GTF3C4: variants seen among roughly 807,000 people sequenced by gnomAD.
GTF3C4 encodes general transcription factor 3C polypeptide 4.
In GTF3C4, 28 loss-of-function variants were observed where a neutral mutation model predicts 67.5. That is an observed-to-expected ratio of 0.41 (90% CI 0.31 to 0.57). The LOEUF is 0.57. GTF3C4 is among the 20% of genes least tolerant of loss of function. The pLI is 0.21. For synonymous variants in GTF3C4, 409 were observed against 393.0 expected (o/e 1.04, Z -0.48); for missense variants, 831 against 1,033.2 (o/e 0.80, Z 2.68).
chr9:132,670,990 CT>C, intron 1 of GTF3C4, 35 bp downstream of exon 1: 2 of 1,409,018 alleles, frequency 1.4e-6, no homozygotes, highest in Non-Finnish European at 2.0e-6. Context: ...GGGTCTTCCC[CT>C]GTCCCCCTCT....
intron 1 of GTF3C4, among the ~76,000 whole-genome samples, chr9:132,676,588 T>G (rs1835868313): frequency 6.6e-6 from 1 of 152,162 alleles, no homozygotes; most frequent in South Asian, 2.1e-4. Context: ...CCCAAAGTGC[T>G]GGGAGTACAG....
At position 132,670,724 on chromosome 9, in the gene GTF3C4, G is replaced by A; in HGVS notation, c.126G>A (p.Gly42=). The change falls in exon 1 of 5, where the codon GGG becomes GGA. Residue 42 remains glycine, a synonymous_variant. Coordinates refer to ENST00000372146, the MANE Select transcript of GTF3C4 (RefSeq NM_012204.4). ...GKEPAADAAP[G]PSAAFRLMVT... is the part of the protein sequence containing the mutation. ...AGCCAGCAGCGGACGCGGCCCCGGG[G>A]CCCAGCGCTGCATTCCGCCTCATGG... is the stretch of plus-strand genomic sequence containing the variant. 6.5e-7 allele frequency: 1 copy of A among 1,534,502 alleles called. No individual in the cohort carries two copies. Among genetic ancestry groups the A allele is most frequent in the Non-Finnish European group, 8.7e-7 (1 of 1,147,596 alleles).
At chr9:132,682,532 A>T (rs1193216789) in intron 2 of GTF3C4, among the ~76,000 whole-genome samples, 78 of 76,184 alleles carry the variant, frequency 1.0e-3, no homozygotes, top group African/African-American at 8.7e-3. Flanking sequence ...GTGAAGTTTT[A>T]AAAAAAAAAA....
Position 132,690,689 on chromosome 9 carries a change from T to G in GTF3C4, c.*1744T>G, listed in dbSNP as rs1215184550. Reference sequence around the variant, plus strand: ...GAAGAGCGTTTATCCACTATTGATTTTCAAGAAAGAAACCAAGCAGCATTG... The same window carrying G: ...GAAGAGCGTTTATCCACTATTGATTGTCAAGAAAGAAACCAAGCAGCATTG... On this transcript the variant is annotated 3_prime_UTR_variant, in exon 5 of 5. Transcript: ENST00000372146. 6.6e-6 allele frequency: 1 copy of G among 152,160 alleles called. No homozygotes were observed. Among genetic ancestry groups the G allele is most frequent in the Non-Finnish European group, 1.5e-5 (1 of 68,034 alleles). 9.4% of individuals were successfully genotyped at this position (152,160 alleles called of 1,614,324 possible).
chr9:132,683,756 G>C (rs1361572243), intron 3 of GTF3C4, 63 bp downstream of exon 3: 4 of 1,461,032 alleles, frequency 2.7e-6, no homozygotes, highest in Non-Finnish European at 3.7e-6. Context: ...ACAAACTACT[G>C]TATGTGACAG....
Position 132,689,041 on chromosome 9 carries a change from C to T in GTF3C4, c.*96C>T, listed in dbSNP as rs73545133. 8 of 891,774 alleles carry T rather than the reference C, an allele frequency of 9.0e-6. No homozygotes were observed. The highest frequency in any genetic ancestry group is 8.0e-5 in the South Asian group (6 of 74,788). The allele number at this position is 891,774 out of a possible 1,614,324, so 55.2% of individuals were successfully genotyped here. ...AAGGATGCACTGGAGGAAGCCGGAC[C>T]CTCACGAGTGGAGAGAAGTCCTTGG... On this transcript the variant is annotated 3_prime_UTR_variant, in exon 5 of 5. Transcript: ENST00000372146.
chr9:132,675,671 G>C (rs1835853186), intron 1 of GTF3C4, among the ~76,000 whole-genome samples: 1 of 152,150 alleles, frequency 6.6e-6, no homozygotes, highest in African/African-American at 2.4e-5. Flanking sequence ...CTTTTCAAGG[G>C]AGAACGACAT....
chr9:132,681,783 G>A (rs928388387), intron 2 of GTF3C4, among the ~76,000 whole-genome samples: 4 of 152,084 alleles, frequency 2.6e-5, no homozygotes, highest in African/African-American at 9.7e-5. Flanking sequence ...AGCTTGCCGA[G>A]ATCAGGGCTA....
In GTF3C4 at chr9:132,679,803, G is replaced by GGTTCT; in HGVS notation, c.2184+2_2184+3insTCTGT. The GGTTCT allele has an allele frequency of 6.4e-7, 1 of 1,565,810 alleles. No individual in the cohort carries two copies. Among genetic ancestry groups the GGTTCT allele is most frequent in the Non-Finnish European group, 8.7e-7 (1 of 1,152,314 alleles). On this transcript the variant is annotated frameshift_variant and splice_region_variant. Coordinates refer to ENST00000372146, the MANE Select transcript of GTF3C4 (RefSeq NM_012204.4). LOFTEE classifies it high-confidence loss of function. This position sits in a 1 kb window ranked among gnomAD's most constrained non-coding sequence, Gnocchi z 5.9. ...AAGAGTATGATGACAGAACTGCACG[G>GGTTCT]GTAGGTGTTTATTAACAAAAACTCT...
chr9:132,679,325 G>C lies in GTF3C4; in HGVS notation c.1706G>C (p.Gly569Ala), dbSNP rs1335329586. The change falls in exon 2 of 5, where the codon GGA (glycine) becomes GCA (alanine). Residue 569 changes from glycine to alanine, a missense_variant. By Grantham distance (60) the Gly-to-Ala change is moderately conservative (BLOSUM62 0). Transcript: ENST00000372146. The surrounding 1 kb of genome is among the most constrained non-coding windows in gnomAD (Gnocchi z 5.9). ...EALEKKIESS[G>A]VTYFWRFKLF... ...TTGGAAAAAAAGATTGAAAGCAGTG[G>C]AGTCACCTATTTTTGGCGTTTTAAG... 4.3e-6 allele frequency: 7 copies of C among 1,614,016 alleles called. No homozygotes were observed. In the East Asian group the frequency reaches 1.1e-4, roughly 26 times the overall value.
intron 1 of GTF3C4, among the ~76,000 whole-genome samples, chr9:132,671,714 A>T (rs399796): frequency 0.47 from 71,724 of 151,358 alleles, 17,660 homozygotes; most frequent in African/African-American, 0.61. Context: ...TTACATGTGA[A>T]CTGTCAGTGT....
At position 132,678,878 on chromosome 9, in the gene GTF3C4, G is replaced by A. The variant is rs770327028; in HGVS notation, c.1259G>A (p.Gly420Asp). Residue 420 changes from glycine to aspartate, a missense_variant, in exon 2 of 5, where the codon GGC (glycine) becomes GAC (aspartate). Transcript: ENST00000372146. The surrounding 1 kb of genome is among the most constrained non-coding windows in gnomAD (Gnocchi z 6.5). The part of the protein sequence containing the change: ...GLNVHNSHVT[G>D]LHSLPIVSMT... ...AATGTTCACAATTCCCATGTCACAGGCCTTCACTCACTGCCAATTGTCTCC... is the reference window on the plus strand; with the variant it reads ...AATGTTCACAATTCCCATGTCACAGACCTTCACTCACTGCCAATTGTCTCC... 4.3e-6 allele frequency: 7 copies of A among 1,614,152 alleles called. No individual in the cohort carries two copies. The highest frequency in any genetic ancestry group is 4.5e-5 in the East Asian group (2 of 44,892).
chr9:132,675,894 C>CG (rs1835856454), intron 1 of GTF3C4, among the ~76,000 whole-genome samples: 1 of 73,688 alleles, frequency 1.4e-5, no homozygotes, highest in South Asian at 5.1e-4. Flanking sequence ...TTCCAGTTAC[C>CG]CTTTTTTTTT....
intron 2 of GTF3C4, among the ~76,000 whole-genome samples, chr9:132,681,612 G>A (rs1392417996): frequency 6.6e-6 from 1 of 152,086 alleles, no homozygotes; most frequent in East Asian, 1.9e-4. Context: ...TGCCCATGAA[G>A]TTTTAATGTA....
In GTF3C4 at chr9:132,692,391, G is replaced by T. The variant is rs1288893910; in HGVS notation, c.*3446G>T. The T allele has an allele frequency of 6.6e-6, 1 of 151,984 alleles. No homozygotes were observed. Among genetic ancestry groups the T allele is most frequent in the Non-Finnish European group, 1.5e-5 (1 of 68,008 alleles). 9.4% of individuals were successfully genotyped at this position (151,984 alleles called of 1,614,324 possible). On this transcript the variant is annotated 3_prime_UTR_variant, in exon 5 of 5. Coordinates refer to ENST00000372146, the MANE Select transcript of GTF3C4 (RefSeq NM_012204.4). ...AACTTAACTATAATTTCCTTGTCAG[G>T]GTGCTCAGTAGCTCTTGGTTTGACT...
intron 2 of GTF3C4, among the ~76,000 whole-genome samples, chr9:132,681,545 C>CT (rs1367916951): frequency 1.3e-5 from 2 of 152,118 alleles, no homozygotes; most frequent in South Asian, 4.1e-4. Context: ...ATTTTTTAAC[C>CT]TTTTTAAATT....
At chr9:132,681,946 G>A (rs938437817) in intron 2 of GTF3C4, among the ~76,000 whole-genome samples, 12 of 140,240 alleles carry the variant, frequency 8.6e-5, no homozygotes, top group Non-Finnish European at 1.5e-4. Context: ...AACATGGTGA[G>A]ACCCTGTCTC....
Position 132,670,504 on chromosome 9 carries a change from C to T in GTF3C4, c.-95C>T, listed in dbSNP as rs1174662077. 1.8e-6 allele frequency: 2 copies of T among 1,110,508 alleles called. No individual in the cohort carries two copies. Among genetic ancestry groups the T allele is most frequent in the Admixed American group, 3.8e-5 (1 of 26,246 alleles). The allele number at this position is 1,110,508 out of a possible 1,614,324, so 68.8% of individuals were successfully genotyped here. A position where few individuals can be genotyped will look rare whatever the true frequency, so the allele number is the denominator to read the frequency against. On this transcript the variant is annotated 5_prime_UTR_variant, in exon 1 of 5. Transcript: ENST00000372146. The stretch of plus-strand genomic sequence containing the variant: ...CTCGGGGCCTGAGGGGAGAAAACCG[C>T]CGCGGAGGGCGCTGGGGGTGGCGGC...
At position 132,675,805 on chromosome 9, in the gene GTF3C4, T is replaced by G. The variant is rs1363222637; in HGVS notation, c.358-2172T>G. ...TAGTTCTCTATTTTGTGGACAATTT[T>G]CTATTTACATTTCATTTTATTTGCT... is the stretch of plus-strand genomic sequence containing the variant. On this transcript the variant is annotated intron_variant, in intron 1 of 4. Coordinates refer to ENST00000372146, the MANE Select transcript of GTF3C4 (RefSeq NM_012204.4). Among the ~76,000 whole-genome samples, 4 of 152,116 alleles carry G rather than the reference T, an allele frequency of 2.6e-5. No individual in the cohort carries two copies. The South Asian group carries it at 8.3e-4, about 32-fold the overall frequency.
Sources: gnomAD v4.1 joint callset for allele counts (sites outside exome capture counted in the v4.1 genomes callset) on GRCh38, gnomAD v4.1.1 for gene constraint, Gnocchi (gnomAD v3.1) non-coding constraint, MANE v1.5 for transcripts, NCBI Gene and HGNC (gene_info 2026-07-23, HGNC 2026-07-21) for gene names.